TEX44: variants seen among roughly 807,000 people sequenced by gnomAD.
The protein encoded by TEX44 is testis expressed 44.
For missense variants in TEX44, 487 were observed against 509.6 expected (o/e 0.96, Z 0.43); for synonymous variants, 196 against 205.9 (o/e 0.95, Z 0.41).
Position 231,593,771 on chromosome 2 carries a change from C to A in TEX44, c.820C>A (p.Arg274Ser), listed in dbSNP as rs150621017. 2.5e-6 allele frequency: 4 copies of A among 1,611,940 alleles called. No homozygotes were observed. Among genetic ancestry groups the A allele is most frequent in the Non-Finnish European group, 3.4e-6 (4 of 1,180,008 alleles). The stretch of plus-strand genomic sequence containing the variant: ...GGCCAGTGAGGAGAACAGCTACATG[C>A]GCTCCATGACCAGCCTGCTGGACAG... Reference protein sequence around the residue: ...YTASEENSYMRSMTSLLDRGE... With the variant: ...YTASEENSYMSSMTSLLDRGE... The change falls in exon 1 of 1, where the codon CGC becomes AGC. Residue 274 changes from arginine to serine, a missense_variant. Physicochemically the swap from Arg to Ser is moderately radical, Grantham distance 110. Transcript: ENST00000313965.
At chr2:231,593,001 AG>A in the TEX44 span, 6 of 1,614,058 alleles carry the variant, frequency 3.7e-6, no homozygotes, top group Non-Finnish European at 5.1e-6. Context: ...AGCAGGTCTA[AG>A]GACAGCCCAG....
Position 231,592,966 on chromosome 2 carries a change from G to T in TEX44, c.15G>T (p.Gly5=), listed in dbSNP as rs1338731317. 6.2e-7 allele frequency: 1 copy of T among 1,613,848 alleles called. No homozygotes were observed. The highest frequency in any genetic ancestry group is 8.5e-7 in the Non-Finnish European group (1 of 1,179,924). The change falls in exon 1 of 1, where the codon GGG becomes GGT. Residue 5 remains glycine, a synonymous_variant. Coordinates refer to ENST00000313965, the MANE Select transcript of TEX44 (RefSeq NM_152614.3). The part of the protein sequence containing the change: MALP[G]YPLGNVDDSR... ...CAGCCCCATACATGGCACTCCCAGG[G>T]TACCCCCTGGGCAACGTGGATGACA...
rs764367622 is a variant in TEX44 at position 231,594,138 on chromosome 2, A to G, written c.1187A>G (p.Ter396TrpextTer?). Residue 396 changes from the stop codon to tryptophan, a stop_lost, in exon 1 of 1, where the codon TAG becomes TGG. Transcript: ENST00000313965. Reference sequence around the variant, plus strand: ...GCCCAGGCTGACCCCAACTATGATTAGAGCCCTGCACAGGGACCCCCGAAG... The same window carrying G: ...GCCCAGGCTGACCCCAACTATGATTGGAGCCCTGCACAGGGACCCCCGAAG... ...RQAQADPNYD[*>W] The G allele has an allele frequency of 1.2e-6, 2 of 1,612,384 alleles. No homozygotes were observed. Among genetic ancestry groups the G allele is most frequent in the Non-Finnish European group, 1.7e-6 (2 of 1,179,506 alleles).
At position 231,593,101 on chromosome 2, in the gene TEX44, T is replaced by C. The variant is rs756952878; in HGVS notation, c.150T>C (p.Asp50=). 1 of 1,614,026 alleles carries C rather than the reference T, an allele frequency of 6.2e-7. No homozygotes were observed. The part of the protein sequence containing the change: ...SVASTDWQDI[D]QASFKTATPR... ...CATCCACTGACTGGCAGGATATAGA[T>C]CAGGCCTCCTTCAAGACGGCCACCC... is the stretch of plus-strand genomic sequence containing the variant. The change falls in exon 1 of 1, where the codon GAT becomes GAC. Residue 50 remains aspartate (D), a synonymous_variant. Coordinates refer to ENST00000313965, the MANE Select transcript of TEX44 (RefSeq NM_152614.3).
rs1054311724 is a variant in TEX44 at position 231,593,474 on chromosome 2, A to G, written c.523A>G (p.Thr175Ala). The G allele has an allele frequency of 6.2e-6, 10 of 1,614,046 alleles. No individual in the cohort carries two copies. The African/African-American group carries it at 1.3e-4, about 22-fold the overall frequency. The change falls in exon 1 of 1, where the codon ACA becomes GCA. Residue 175 changes from threonine to alanine, a missense_variant. Coordinates refer to ENST00000313965, the MANE Select transcript of TEX44 (RefSeq NM_152614.3). ...CGTCGAGAGTGATGCTGACCATGTC[A>G]CAGCAGGTGCCAATGGCCAGCATGG... ...QPVESDADHV[T>A]AGANGQHGPQ...
rs778873865 is a variant in TEX44 at position 231,593,450 on chromosome 2, G to A, written c.499G>A (p.Val167Ile). ...CACCCAGCACATGGAGGCTCAGCCC[G>A]TCGAGAGTGATGCTGACCATGTCAC... ...QSTQHMEAQP[V>I]ESDADHVTAG... Residue 167 changes from valine (V) to isoleucine (I), a missense_variant, in exon 1 of 1, where the codon GTC (valine) becomes ATC (isoleucine). Coordinates refer to ENST00000313965, the MANE Select transcript of TEX44 (RefSeq NM_152614.3). 29 of 1,614,056 alleles carry A rather than the reference G, an allele frequency of 1.8e-5. No homozygotes were observed. The highest frequency in any genetic ancestry group is 2.7e-5 in the African/African-American group (2 of 74,934).
At position 231,593,779 on chromosome 2, in the gene TEX44, G is replaced by A. The variant is rs1478245073; in HGVS notation, c.828G>A (p.Met276Ile). The stretch of plus-strand genomic sequence containing the variant: ...AGGAGAACAGCTACATGCGCTCCAT[G>A]ACCAGCCTGCTGGACAGGGGCGAGG... ...ASEENSYMRS[M>I]TSLLDRGEGS... Residue 276 changes from methionine (M) to isoleucine (I), a missense_variant, in exon 1 of 1, where the codon ATG (methionine) becomes ATA (isoleucine). Coordinates refer to ENST00000313965, the MANE Select transcript of TEX44 (RefSeq NM_152614.3). 6.2e-7 allele frequency: 1 copy of A among 1,611,802 alleles called. No homozygotes were observed. The highest frequency in any genetic ancestry group is 1.6e-4 in the Middle Eastern group (1 of 6,062).
chr2:231,593,625 A>G lies in TEX44; in HGVS notation c.674A>G (p.Asp225Gly). 6.2e-7 allele frequency: 1 copy of G among 1,613,820 alleles called. No individual in the cohort carries two copies. The highest frequency in any genetic ancestry group is 1.1e-5 in the South Asian group (1 of 91,086). Residue 225 changes from aspartate (D) to glycine (G), a missense_variant, in exon 1 of 1, where the codon GAC (aspartate) becomes GGC (glycine). Physicochemically the swap from Asp to Gly is moderately conservative, Grantham distance 94 (BLOSUM62 -1). Transcript: ENST00000313965. ...SPVAMGANVV[D>G]SLGDLQTWFF... is the part of the protein sequence containing the mutation. ...GTGGCAATGGGGGCAAATGTGGTGGACAGCTTAGGAGACCTGCAGACTTGG... is the reference window on the plus strand; with the variant it reads ...GTGGCAATGGGGGCAAATGTGGTGGGCAGCTTAGGAGACCTGCAGACTTGG...
chr2:231,593,778 T>C lies in TEX44; in HGVS notation c.827T>C (p.Met276Thr), dbSNP rs1265864104. 6.2e-7 allele frequency: 1 copy of C among 1,612,096 alleles called. No individual in the cohort carries two copies. The highest frequency in any genetic ancestry group is 1.7e-5 in the Admixed American group (1 of 60,022). The change falls in exon 1 of 1, where the codon ATG becomes ACG. Residue 276 changes from methionine to threonine, a missense_variant. Met to Thr is a moderately conservative substitution (Grantham distance 81). Transcript: ENST00000313965. ...ASEENSYMRS[M>T]TSLLDRGEGS... The stretch of plus-strand genomic sequence containing the variant: ...GAGGAGAACAGCTACATGCGCTCCA[T>C]GACCAGCCTGCTGGACAGGGGCGAG...
rs1027811296 is a variant in TEX44 at position 231,593,059 on chromosome 2, A to C, written c.108A>C (p.Ala36=). 8.7e-6 allele frequency: 14 copies of C among 1,614,046 alleles called. No homozygotes were observed. The African/African-American group carries it at 1.9e-4, about 22-fold the overall frequency. ...TCCCACTCACAGCAGATGTCTTGGC[A>C]GTGAGCAGCTCTGTCGCATCCACTG... ...GQVPLTADVL[A]VSSSVASTDW... The change falls in exon 1 of 1, where the codon GCA becomes GCC. Residue 36 remains alanine, a synonymous_variant. Transcript: ENST00000313965.
rs535370870 is a variant in TEX44 at position 231,593,123 on chromosome 2, A to C, written c.172A>C (p.Thr58Pro). 1 of 1,614,036 alleles carries C rather than the reference A, an allele frequency of 6.2e-7. No individual in the cohort carries two copies. The highest frequency in any genetic ancestry group is 1.3e-5 in the African/African-American group (1 of 74,998). Residue 58 changes from threonine (T) to proline (P), a missense_variant, in exon 1 of 1, where the codon ACC becomes CCC. Transcript: ENST00000313965. ...AGATCAGGCCTCCTTCAAGACGGCC[A>C]CCCCCAGGGCCATATCAACATCTGG... ...DIDQASFKTA[T>P]PRAISTSGDK...
chr2:231,593,825 G>A lies in TEX44; in HGVS notation c.874G>A (p.Asp292Asn). The A allele has an allele frequency of 1.2e-6, 2 of 1,611,676 alleles. No individual in the cohort carries two copies. Among genetic ancestry groups the A allele is most frequent in the Non-Finnish European group, 1.7e-6 (2 of 1,180,012 alleles). Residue 292 changes from aspartate to asparagine, a missense_variant, in exon 1 of 1, where the codon GAC becomes AAC. Physicochemically the swap from Asp to Asn is conservative, Grantham distance 23. Coordinates refer to ENST00000313965, the MANE Select transcript of TEX44 (RefSeq NM_152614.3). ...CGAGGGCTCCATCAGCTCCCTGGCA[G>A]ACATCCTGGTGTGGTCCGAGACCAC... ...RGEGSISSLADILVWSETTMG... is the reference protein window; with the variant it reads ...RGEGSISSLANILVWSETTMG...
Position 231,593,374 on chromosome 2 carries a change from T to C in TEX44, c.423T>C (p.Pro141=), listed in dbSNP as rs2047774935. ...KDKMSQMASV[P]EREPESAPSA... ...AGATGTCACAAATGGCGAGTGTTCC[T>C]GAGAGAGAGCCGGAGTCAGCCCCCT... is the stretch of plus-strand genomic sequence containing the variant. Residue 141 remains proline (P), a synonymous_variant, in exon 1 of 1, where the codon CCT becomes CCC. Coordinates refer to ENST00000313965, the MANE Select transcript of TEX44 (RefSeq NM_152614.3). 1 of 1,614,094 alleles carries C rather than the reference T, an allele frequency of 6.2e-7. No homozygotes were observed. Among genetic ancestry groups the C allele is most frequent in the Non-Finnish European group, 8.5e-7 (1 of 1,180,054 alleles).
Position 231,593,982 on chromosome 2 carries a change from C to T in TEX44, c.1031C>T (p.Ser344Phe). 3 of 1,610,586 alleles carry T rather than the reference C, an allele frequency of 1.9e-6. No individual in the cohort carries two copies. Among genetic ancestry groups the T allele is most frequent in the Non-Finnish European group, 2.5e-6 (3 of 1,179,988 alleles). ...GGAAGCGTCAGCTCGGCCTTCTCCT[C>T]TGGGCTGGTGTCAGGGACCAGCTCA... ...LVGSVSSAFS[S>F]GLVSGTSSAL... The change falls in exon 1 of 1, where the codon TCT becomes TTT. Residue 344 changes from serine to phenylalanine, a missense_variant. By Grantham distance (155) the Ser-to-Phe change is radical. Transcript: ENST00000313965.
Position 231,593,886 on chromosome 2 carries a change from C to A in TEX44, c.935C>A (p.Ser312Tyr), listed in dbSNP as rs1342842823. 6.2e-7 allele frequency: 1 copy of A among 1,609,918 alleles called. No homozygotes were observed. The highest frequency in any genetic ancestry group is 8.5e-7 in the Non-Finnish European group (1 of 1,180,014). The change falls in exon 1 of 1, where the codon TCC becomes TAC. Residue 312 changes from serine (S) to tyrosine (Y), a missense_variant. Ser to Tyr is a moderately radical substitution (Grantham distance 144). Transcript: ENST00000313965. Reference protein sequence around the residue: ...GMAIATGFLDSGHSTVADLLH... With the variant: ...GMAIATGFLDYGHSTVADLLH... ...GCCATAGCCACAGGCTTCCTGGATT[C>A]CGGCCACAGCACTGTGGCAGACCTG...
Position 231,594,016 on chromosome 2 carries a change from C to T in TEX44, c.1065C>T (p.Arg355=). Reference sequence around the variant, plus strand: ...TGTCAGGGACCAGCTCAGCCCTGCGCACCATCACCCGTGTGCTGGAGACAG... The same window carrying T: ...TGTCAGGGACCAGCTCAGCCCTGCGTACCATCACCCGTGTGCTGGAGACAG... ...GLVSGTSSAL[R]TITRVLETVE... Residue 355 remains arginine, a synonymous_variant, in exon 1 of 1, where the codon CGC becomes CGT. Transcript: ENST00000313965. The T allele has an allele frequency of 6.2e-7, 1 of 1,611,958 alleles. No individual in the cohort carries two copies. The highest frequency in any genetic ancestry group is 1.7e-5 in the Admixed American group (1 of 60,024).
At position 231,593,395 on chromosome 2, in the gene TEX44, C is replaced by G. The variant is rs376356239; in HGVS notation, c.444C>G (p.Ala148=). ...TTCCTGAGAGAGAGCCGGAGTCAGC[C>G]CCCTCTGCCCCGAGTGCTGAGCTAC... ...ASVPEREPES[A]PSAPSAELQS... The change falls in exon 1 of 1, where the codon GCC becomes GCG. Residue 148 remains alanine, a synonymous_variant. Coordinates refer to ENST00000313965, the MANE Select transcript of TEX44 (RefSeq NM_152614.3). 193 of 1,614,112 alleles carry G rather than the reference C, an allele frequency of 1.2e-4. No individual in the cohort carries two copies. Among genetic ancestry groups the G allele is most frequent in the Non-Finnish European group, 1.6e-4 (189 of 1,180,058 alleles).
Position 231,593,040 on chromosome 2 carries a change from T to G in TEX44, c.89T>G (p.Leu30Arg). The G allele has an allele frequency of 6.2e-7, 1 of 1,614,008 alleles. No individual in the cohort carries two copies. The highest frequency in any genetic ancestry group is 8.5e-7 in the Non-Finnish European group (1 of 1,180,000). Residue 30 changes from leucine (L) to arginine (R), a missense_variant, in exon 1 of 1, where the codon CTC becomes CGC. Transcript: ENST00000313965. ...PAGEPQGQVP[L>R]TADVLAVSSS... Reference sequence around the variant, plus strand: ...GGAGAGCCCCAAGGTCAGGTCCCACTCACAGCAGATGTCTTGGCAGTGAGC... The same window carrying G: ...GGAGAGCCCCAAGGTCAGGTCCCACGCACAGCAGATGTCTTGGCAGTGAGC...
Position 231,594,147 on chromosome 2 carries a change from C to T in TEX44, c.*8C>T. ...GACCCCAACTATGATTAGAGCCCTG[C>T]ACAGGGACCCCCGAAGGGCTGGTTC... On this transcript the variant is annotated 3_prime_UTR_variant, in exon 1 of 1. Transcript: ENST00000313965. The T allele has an allele frequency of 1.9e-6, 3 of 1,609,626 alleles. No homozygotes were observed. Among genetic ancestry groups the T allele is most frequent in the Non-Finnish European group, 2.5e-6 (3 of 1,177,588 alleles).
Sources: allele counts gnomAD v4.1 joint callset, GRCh38; gene constraint gnomAD v4.1.1; transcripts MANE v1.5; gene names NCBI Gene and HGNC (gene_info 2026-07-23, HGNC 2026-07-21).